Variants in ENOX1 observed in about 807,000 individuals in gnomAD.
ENOX1 encodes ecto-NOX disulfide-thiol exchanger 1.
Under a neutral mutation model 82.5 loss-of-function variants are expected in ENOX1, and 42 were observed. The ratio of observed to expected loss-of-function variants is 0.51; its 90% confidence interval spans 0.40 to 0.66. The LOEUF (loss-of-function observed/expected upper bound fraction) is 0.66, where lower values mean the gene tolerates loss of function less well. ENOX1 is among the 30% of genes least tolerant of loss of function. The pLI, the probability that ENOX1 is intolerant of heterozygous loss-of-function variation, is 0.00. For missense variants in ENOX1, 608 were observed against 811.6 expected (o/e 0.75, Z 3.05); for synonymous variants, 271 against 282.2 (o/e 0.96, Z 0.40).
chr13:43,614,541 G>GT (rs1566636590), intron 2 of ENOX1, among the ~76,000 whole-genome samples: 5 of 26,820 alleles, frequency 1.9e-4, no homozygotes, highest in African/African-American at 4.6e-4. Flanking sequence ...AAAATAAAGG[G>GT]CTTTTTTTTT....
chr13:43,497,856 G>T (rs994996719), intron 2 of ENOX1, among the ~76,000 whole-genome samples: 2 of 151,988 alleles, frequency 1.3e-5, no homozygotes, highest in African/African-American at 4.8e-5. Flanking sequence ...TCTGGATCTG[G>T]AGTGTTCTTT....
intron 2 of ENOX1, among the ~76,000 whole-genome samples, chr13:43,604,953 TTC>T (rs1401143898): frequency 6.6e-6 from 1 of 152,156 alleles, no homozygotes; most frequent in Non-Finnish European, 1.5e-5. Flanking sequence ...TCAGTAGTGT[TTC>T]TATATGCCAA....
At chr13:43,658,215 A>C (rs73186121) in intron 2 of ENOX1, among the ~76,000 whole-genome samples, 1 of 152,350 alleles carries the variant, frequency 6.6e-6, no homozygotes, top group Non-Finnish European at 1.5e-5. Flanking sequence ...TATCTACTTA[A>C]TATTCTACAA....
chr13:43,728,099 CTTTTCT>C lies in ENOX1; in HGVS notation c.-285+58547_-285+58552del, dbSNP rs535231651. On this transcript the variant is annotated intron_variant, in intron 1 of 16. Transcript: ENST00000690772. Reference sequence around the variant, plus strand: ...TCCCTTCCTCTTATTCTCCTTTGCTCTTTTCTTTTTATCTTTCTTTTCCTTCTTCTC... The same window carrying C: ...TCCCTTCCTCTTATTCTCCTTTGCTCTTTTATCTTTCTTTTCCTTCTTCTC... 2.4e-3 allele frequency among the ~76,000 whole-genome samples: 368 copies of C among 152,284 alleles called. 3 individuals are homozygous for C. The highest frequency in any genetic ancestry group is 0.014 in the Middle Eastern group (4 of 294).
At chr13:43,327,802 G>A (rs1255678362) in intron 9 of ENOX1, among the ~76,000 whole-genome samples, 1 of 152,170 alleles carries the variant, frequency 6.6e-6, no homozygotes, top group Non-Finnish European at 1.5e-5. Context: ...ATAAATGTAT[G>A]ATGGAGCAGA....
At chr13:43,429,323 C>A (rs1036496051) in intron 3 of ENOX1, among the ~76,000 whole-genome samples, 1 of 152,150 alleles carries the variant, frequency 6.6e-6, no homozygotes, top group African/African-American at 2.4e-5. Context: ...GAAATGCTTT[C>A]GACTACGATG....
chr13:43,474,657 T>A (rs1032289857), intron 3 of ENOX1, among the ~76,000 whole-genome samples: 1 of 152,194 alleles, frequency 6.6e-6, no homozygotes, highest in Non-Finnish European at 1.5e-5. Context: ...CTTACTTTTC[T>A]CACTCTTCTT....
At chr13:43,429,671 T>C (rs746046237) in intron 3 of ENOX1, among the ~76,000 whole-genome samples, 1 of 152,112 alleles carries the variant, frequency 6.6e-6, no homozygotes, top group Non-Finnish European at 1.5e-5. Flanking sequence ...GGGGACCAAA[T>C]AGATGAGCAG....
chr13:43,570,157 AGCAGACT>A (rs1256746906), intron 2 of ENOX1, among the ~76,000 whole-genome samples: 1 of 152,192 alleles, frequency 6.6e-6, no homozygotes, highest in Non-Finnish European at 1.5e-5. Context: ...GAAAAACAGG[AGCAGACT>A]GCATTGTGAG....
At chr13:43,311,320 C>CA (rs922569371) in intron 11 of ENOX1, among the ~76,000 whole-genome samples, 2 of 150,774 alleles carry the variant, frequency 1.3e-5, no homozygotes, top group Non-Finnish European at 2.9e-5. Flanking sequence ...GGTCCTTATC[C>CA]AAAAAATGTA....
intron 2 of ENOX1, among the ~76,000 whole-genome samples, chr13:43,601,729 A>G (rs2081731680): frequency 6.6e-6 from 1 of 152,176 alleles, no homozygotes; most frequent in African/African-American, 2.4e-5. Context: ...AGATGTAACC[A>G]AGATAAGGTG....
At chr13:43,246,315 C>T (rs980147814) in intron 14 of ENOX1, among the ~76,000 whole-genome samples, 1 of 152,214 alleles carries the variant, frequency 6.6e-6, no homozygotes, top group African/African-American at 2.4e-5. Context: ...CTAACCACTA[C>T]ACTAGGTTGC....
chr13:43,545,824 T>C (rs1008266336), intron 2 of ENOX1: 1 of 152,188 alleles, frequency 6.6e-6, no homozygotes, highest in Non-Finnish European at 1.5e-5. Context: ...TGTCTAGTTG[T>C]TGGCATCTAC....
At chr13:43,336,604 GCA>G (rs540869245) in intron 9 of ENOX1, among the ~76,000 whole-genome samples, 32 of 152,314 alleles carry the variant, frequency 2.1e-4, no homozygotes, top group African/African-American at 7.0e-4. Context: ...CAGAACATTT[GCA>G]CAGAGTAATA....
intron 2 of ENOX1, among the ~76,000 whole-genome samples, chr13:43,583,168 C>T (rs2080827987): frequency 6.6e-6 from 1 of 152,168 alleles, no homozygotes; most frequent in Admixed American, 6.5e-5. Flanking sequence ...GCAATAGTAA[C>T]ATTGATACCA....
intron 2 of ENOX1, among the ~76,000 whole-genome samples, chr13:43,613,050 T>C (rs1361377816): frequency 6.6e-6 from 1 of 152,202 alleles, no homozygotes; most frequent in Admixed American, 6.5e-5. Flanking sequence ...GTATACATTT[T>C]TTTAAAACGT....
intron 2 of ENOX1, among the ~76,000 whole-genome samples, chr13:43,537,121 A>G (rs2078495132): frequency 6.6e-6 from 1 of 152,226 alleles, no homozygotes; most frequent in Non-Finnish European, 1.5e-5. Flanking sequence ...ATAAATGCAG[A>G]GCTAATAATT....
rs570909777 is a variant in ENOX1 at position 43,652,978 on chromosome 13, C to T, written c.-219+14501G>A. Reference sequence around the variant, plus strand: ...ATGGCAAAGTCAAGGATGACTGGAGCTCCCTGCCTGGGGAAAGGATGGATG... The same window carrying T: ...ATGGCAAAGTCAAGGATGACTGGAGTTCCCTGCCTGGGGAAAGGATGGATG... On this transcript the variant is annotated intron_variant, in intron 2 of 16. Coordinates refer to ENST00000690772, the MANE Select transcript of ENOX1 (RefSeq NM_001347969.2). 1.1e-4 allele frequency among the ~76,000 whole-genome samples: 16 copies of T among 152,318 alleles called. No individual in the cohort carries two copies. The South Asian group carries it at 1.5e-3, about 14-fold the overall frequency.
intron 5 of ENOX1, among the ~76,000 whole-genome samples, chr13:43,391,365 G>C (rs975232648): frequency 2.0e-5 from 3 of 152,034 alleles, no homozygotes; most frequent in African/African-American, 7.2e-5. Context: ...TCATGCCCAT[G>C]GTGCCAGTCA....
Sources: gnomAD v4.1 joint callset for allele counts (sites outside exome capture counted in the v4.1 genomes callset) on GRCh38, gnomAD v4.1.1 for gene constraint, MANE v1.5 for transcripts, NCBI Gene and HGNC (gene_info 2026-07-23, HGNC 2026-07-21) for gene names.